Variants in KIAA1328 observed in about 807,000 individuals in gnomAD.
The protein encoded by KIAA1328 is protein hinderin.
A neutral mutation model predicts 68.1 loss-of-function variants in KIAA1328; 52 were observed. That is an observed-to-expected ratio of 0.76 (90% confidence interval 0.61 to 0.96). The LOEUF (loss-of-function observed/expected upper bound fraction) is 0.96. Ranked by LOEUF, KIAA1328 falls within the 40% of genes least tolerant of loss-of-function variation. The pLI is 0.00. For missense variants in KIAA1328, 641 were observed against 677.6 expected, an observed-to-expected ratio of 0.95 and a Z score of 0.60; for synonymous variants, 232 against 239.4, an observed-to-expected ratio of 0.97 and a Z score of 0.28.
At chr18:36,969,769 C>T (rs891627194) in intron 6 of KIAA1328, among the ~76,000 whole-genome samples, 3 of 152,148 alleles carry the variant, frequency 2.0e-5, no homozygotes, top group Non-Finnish European at 2.9e-5. Flanking sequence ...AAGGACTCCT[C>T]CCTAACTCTT....
At chr18:36,938,636 G>A (rs1189660611) in intron 5 of KIAA1328, among the ~76,000 whole-genome samples, 2 of 152,064 alleles carry the variant, frequency 1.3e-5, no homozygotes, top group African/African-American at 4.8e-5. Context: ...CTGTTCTTTT[G>A]ATGTCAAATC....
chr18:37,065,634 G>A (rs1039043067), intron 6 of KIAA1328, among the ~76,000 whole-genome samples: 9 of 152,150 alleles, frequency 5.9e-5, no homozygotes, highest in African/African-American at 9.7e-5. Context: ...GAGTCTGATC[G>A]TTAGCTGGAT....
At chr18:37,175,855 G>A (rs1024405971) in intron 9 of KIAA1328, among the ~76,000 whole-genome samples, 2 of 152,134 alleles carry the variant, frequency 1.3e-5, no homozygotes, top group Non-Finnish European at 2.9e-5. Flanking sequence ...TAAATTCCAA[G>A]AATTTTCAAG....
At chr18:37,174,549 AT>A (rs1271919302) in intron 9 of KIAA1328, among the ~76,000 whole-genome samples, 5 of 147,330 alleles carry the variant, frequency 3.4e-5, no homozygotes, top group Admixed American at 1.3e-4. Flanking sequence ...CACCCGGCTA[AT>A]TTTTTTTTGG....
chr18:36,959,890 T>C (rs2051585875), intron 6 of KIAA1328, among the ~76,000 whole-genome samples: 2 of 152,230 alleles, frequency 1.3e-5, no homozygotes, highest in Admixed American at 6.5e-5. Flanking sequence ...TGCATACATA[T>C]ATTAATCACA....
At chr18:37,112,144 G>A (rs1005102502) in intron 7 of KIAA1328, among the ~76,000 whole-genome samples, 1 of 152,192 alleles carries the variant, frequency 6.6e-6, no homozygotes, top group African/African-American at 2.4e-5. Context: ...AGACTTAAAC[G>A]TCTCTGTCTG....
chr18:37,173,779 G>C (rs2059544882), intron 9 of KIAA1328, among the ~76,000 whole-genome samples: 1 of 152,160 alleles, frequency 6.6e-6, no homozygotes, highest in East Asian at 1.9e-4. Flanking sequence ...CAAATTACAA[G>C]TCTCAAGTCT....
At chr18:37,099,067 C>G (rs1018699891) in intron 7 of KIAA1328, among the ~76,000 whole-genome samples, 3 of 152,042 alleles carry the variant, frequency 2.0e-5, no homozygotes, top group Admixed American at 1.3e-4. Flanking sequence ...TTTTGTGTCT[C>G]TATTTCCTTC....
chr18:37,078,176 A>T (rs1438180935), intron 7 of KIAA1328, among the ~76,000 whole-genome samples: 1 of 152,218 alleles, frequency 6.6e-6, no homozygotes, highest in East Asian at 1.9e-4. Context: ...ATAACGCCAC[A>T]TATCTACAAC....
chr18:37,093,911 T>C (rs183006119), intron 7 of KIAA1328, among the ~76,000 whole-genome samples: 102 of 152,178 alleles, frequency 6.7e-4, no homozygotes, highest in Admixed American at 1.5e-3. Context: ...AAGTCACATA[T>C]AAAGGAATCC....
chr18:36,943,540 T>C (rs1242740847), intron 5 of KIAA1328, among the ~76,000 whole-genome samples: 1 of 152,234 alleles, frequency 6.6e-6, no homozygotes, highest in African/African-American at 2.4e-5. Flanking sequence ...AAATAGATCA[T>C]ATCAGTGTTT....
At chr18:36,865,805 A>G (rs2047730173) in intron 4 of KIAA1328, among the ~76,000 whole-genome samples, 1 of 152,000 alleles carries the variant, frequency 6.6e-6, no homozygotes, top group African/African-American at 2.4e-5. Flanking sequence ...ATGTTGGACC[A>G]TCCTCTCACT....
intron 6 of KIAA1328, among the ~76,000 whole-genome samples, chr18:37,056,712 G>A (rs990696078): frequency 1.3e-5 from 2 of 152,210 alleles, no homozygotes; most frequent in African/African-American, 2.4e-5. Context: ...GTGCAGTAGT[G>A]TGATCTCGGC....
chr18:37,199,644 G>A (rs374995182), intron 9 of KIAA1328, among the ~76,000 whole-genome samples: 2 of 152,110 alleles, frequency 1.3e-5, no homozygotes, highest in African/African-American at 4.8e-5. Context: ...TGATATTTCT[G>A]TTTCTAGGTC....
chr18:36,889,267 T>G (rs2048601222), intron 5 of KIAA1328, among the ~76,000 whole-genome samples: 1 of 152,172 alleles, frequency 6.6e-6, no homozygotes, highest in African/African-American at 2.4e-5. Context: ...GCTGGATGAG[T>G]ATGAAAAGAA....
At chr18:37,005,432 T>A (rs1418799261) in intron 6 of KIAA1328, among the ~76,000 whole-genome samples, 5 of 148,470 alleles carry the variant, frequency 3.4e-5, no homozygotes, top group African/African-American at 1.0e-4. Context: ...AGCTATTATT[T>A]AAAAAAAAAA....
intron 9 of KIAA1328, among the ~76,000 whole-genome samples, chr18:37,175,855 G>C (rs1024405971): frequency 6.6e-6 from 1 of 152,134 alleles, no homozygotes; most frequent in East Asian, 1.9e-4. Flanking sequence ...TAAATTCCAA[G>C]AATTTTCAAG....
intron 7 of KIAA1328, among the ~76,000 whole-genome samples, chr18:37,086,470 T>C (rs1481182181): frequency 6.6e-6 from 1 of 152,222 alleles, no homozygotes; most frequent in Non-Finnish European, 1.5e-5. Context: ...CATCTGAAAT[T>C]TCCTTACCTA....
chr18:36,866,161 T>A (rs1001334384), intron 4 of KIAA1328, among the ~76,000 whole-genome samples: 1 of 152,200 alleles, frequency 6.6e-6, no homozygotes, highest in Non-Finnish European at 1.5e-5. Context: ...TCTGAATCTC[T>A]ATGCTCAGTC....
Sources: allele counts gnomAD v4.1 joint callset (sites outside exome capture counted in the v4.1 genomes callset), GRCh38; gene constraint gnomAD v4.1.1; transcripts MANE v1.5; gene names NCBI Gene and HGNC (gene_info 2026-07-23, HGNC 2026-07-21).